LGR4: variants seen among roughly 807,000 people sequenced by gnomAD.
The protein encoded by LGR4 is leucine-rich repeat-containing G protein-coupled receptor 4.
Under a neutral mutation model 84.8 loss-of-function variants are expected in LGR4, and 44 were observed. The observed-to-expected ratio is 0.52, with a 90% CI of 0.41 to 0.67. LGR4 has a LOEUF of 0.67. Ranked by LOEUF, LGR4 falls within the 30% of genes least tolerant of loss-of-function variation. The probability of loss-of-function intolerance (pLI) is 0.00; values close to 1 mark genes in which losing one functional copy is unlikely to be tolerated. For synonymous variants in LGR4, 429 were observed against 434.3 expected (o/e 0.99, Z 0.15); for missense variants, 1,032 against 1,131.4 (o/e 0.91, Z 1.26).
At chr11:27,377,972 A>G (rs1241514600) in intron 11 of LGR4, among the ~76,000 whole-genome samples, 1 of 152,228 alleles carries the variant, frequency 6.6e-6, no homozygotes, top group African/African-American at 2.4e-5. Context: ...TACAGTATTC[A>G]GTACAGTATT....
At chr11:27,465,814 G>A (rs1864765771) in intron 1 of LGR4, among the ~76,000 whole-genome samples, 1 of 152,194 alleles carries the variant, frequency 6.6e-6, no homozygotes, top group African/African-American at 2.4e-5. Flanking sequence ...TGTCAAGAGA[G>A]GCAGACAAAT....
chr11:27,395,768 GT>G (rs1863379602), intron 2 of LGR4, among the ~76,000 whole-genome samples: 1 of 152,198 alleles, frequency 6.6e-6, no homozygotes, highest in African/African-American at 2.4e-5. Context: ...GAGCTGCTGT[GT>G]TAATGAGTAA....
intron 1 of LGR4, among the ~76,000 whole-genome samples, chr11:27,446,954 A>G (rs893576050): frequency 1.2e-4 from 18 of 150,944 alleles, no homozygotes; most frequent in Admixed American, 8.0e-4. Flanking sequence ...CAAACACCGC[A>G]TGTTCTCACT....
chr11:27,422,678 C>G (rs1394798120), intron 1 of LGR4, among the ~76,000 whole-genome samples: 1 of 152,204 alleles, frequency 6.6e-6, no homozygotes, highest in East Asian at 1.9e-4. Context: ...TCAAATATTT[C>G]TTATTCCTCC....
chr11:27,402,878 T>G (rs1863530140), intron 2 of LGR4, among the ~76,000 whole-genome samples: 1 of 152,152 alleles, frequency 6.6e-6, no homozygotes, highest in Non-Finnish European at 1.5e-5. Flanking sequence ...CTAGTGATCT[T>G]GACGTAGAAG....
chr11:27,466,626 T>C (rs1864782106), intron 1 of LGR4, among the ~76,000 whole-genome samples: 2 of 152,238 alleles, frequency 1.3e-5, no homozygotes, highest in Non-Finnish European at 2.9e-5. Flanking sequence ...TTGTCAAATG[T>C]TACCTTACAA....
At chr11:27,467,826 C>T (rs977302748) in intron 1 of LGR4, among the ~76,000 whole-genome samples, 1 of 152,130 alleles carries the variant, frequency 6.6e-6, no homozygotes, top group Non-Finnish European at 1.5e-5. Context: ...AATAAAGGAC[C>T]TATACTTAAA....
intron 1 of LGR4, among the ~76,000 whole-genome samples, chr11:27,435,462 A>C (rs1445908470): frequency 2.0e-5 from 3 of 152,096 alleles, no homozygotes; most frequent in African/African-American, 7.2e-5. Context: ...TTATTTGACC[A>C]AGTGCCTCTT....
At chr11:27,464,079 T>C (rs1279712423) in intron 1 of LGR4, among the ~76,000 whole-genome samples, 1 of 152,242 alleles carries the variant, frequency 6.6e-6, no homozygotes, top group African/African-American at 2.4e-5. Context: ...TTCTCTTCCC[T>C]ACTACAGAAA....
intron 1 of LGR4, among the ~76,000 whole-genome samples, chr11:27,464,531 C>T (rs951947113): frequency 7.9e-5 from 12 of 152,144 alleles, no homozygotes; most frequent in Non-Finnish European, 1.0e-4. Context: ...AGGGGAGTTT[C>T]GATGTCACCA....
rs545438695 is a variant in LGR4 at position 27,367,853 on chromosome 11, A to C, written c.*14T>G. On this transcript the variant is annotated 3_prime_UTR_variant, in exon 18 of 18. Coordinates refer to ENST00000379214, the MANE Select transcript of LGR4 (RefSeq NM_018490.5). ...ATTTTGGTTGACGGGGGAAACGGTT[A>C]CACACACAGTAGTTCAGTCTTTAAC... 1 of 1,552,890 alleles carries C rather than the reference A, an allele frequency of 6.4e-7. No homozygotes were observed. The highest frequency in any genetic ancestry group is 1.4e-5 in the African/African-American group (1 of 72,444).
chr11:27,414,650 A>T (rs973891628), intron 1 of LGR4, among the ~76,000 whole-genome samples: 2 of 152,138 alleles, frequency 1.3e-5, no homozygotes, highest in Non-Finnish European at 2.9e-5. Flanking sequence ...CCAGGCCCCA[A>T]TACTACTTTA....
intron 6 of LGR4, 104 bp downstream of exon 6, chr11:27,384,232 A>T: frequency 1.4e-6 from 1 of 710,100 alleles, no homozygotes; most frequent in Non-Finnish European, 2.5e-6. Context: ...TGAATTAATA[A>T]GGAGCTGAAC....
intron 1 of LGR4, among the ~76,000 whole-genome samples, chr11:27,462,228 A>T (rs191692110): frequency 1.3e-5 from 2 of 152,240 alleles, no homozygotes; most frequent in East Asian, 3.9e-4. Context: ...TCTTTAAAGG[A>T]TGGGCTATCA....
chr11:27,435,752 T>A (rs1864195913), intron 1 of LGR4, among the ~76,000 whole-genome samples: 1 of 151,848 alleles, frequency 6.6e-6, no homozygotes. Flanking sequence ...CCTCCCAAAG[T>A]GCTGTGATTA....
chr11:27,380,792 A>G (rs1404547184), intron 8 of LGR4, 81 bp from the exon 9 acceptor site: 8 of 1,193,190 alleles, frequency 6.7e-6, no homozygotes, highest in Non-Finnish European at 9.9e-6. Flanking sequence ...CAATGTACAT[A>G]TATCTAAAAT....
chr11:27,393,253 G>A (rs1863319242), intron 2 of LGR4, among the ~76,000 whole-genome samples: 1 of 152,080 alleles, frequency 6.6e-6, no homozygotes, highest in South Asian at 2.1e-4. Flanking sequence ...AGGATATTAG[G>A]GAGAAGAATC....
intron 1 of LGR4, among the ~76,000 whole-genome samples, chr11:27,461,922 C>T (rs1003396818): frequency 6.6e-6 from 1 of 150,452 alleles, no homozygotes; most frequent in African/African-American, 2.5e-5. Context: ...CTCCCCCTCC[C>T]GGATTCAGGC....
Position 27,382,210 on chromosome 11 carries a change from C to A in LGR4, c.736G>T (p.Ala246Ser). Residue 246 changes from alanine (A) to serine (S), a missense_variant, in exon 7 of 18, where the codon GCC becomes TCC. Coordinates refer to ENST00000379214, the MANE Select transcript of LGR4 (RefSeq NM_018490.5). Reference sequence around the variant, plus strand: ...CACAGCTCTTTAAGGCTAGGAAGGGCTTTAATAGCCTGAGGAAATTCCCCC... The same window carrying A: ...CACAGCTCTTTAAGGCTAGGAAGGGATTTAATAGCCTGAGGAAATTCCCCC... ...NLGEFPQAIK[A>S]LPSLKELGFH... 1.2e-6 allele frequency: 2 copies of A among 1,609,404 alleles called. No homozygotes were observed. Among genetic ancestry groups the A allele is most frequent in the South Asian group, 2.2e-5 (2 of 90,894 alleles).
Sources: gnomAD v4.1 joint callset for allele counts (sites outside exome capture counted in the v4.1 genomes callset) on GRCh38, gnomAD v4.1.1 for gene constraint, MANE v1.5 for transcripts, NCBI Gene and HGNC (gene_info 2026-07-23, HGNC 2026-07-21) for gene names.